The following IFT46 variants were observed in gnomAD, a reference collection of about 807,000 sequenced individuals.
IFT46 encodes the protein intraflagellar transport protein 46 homolog.
A neutral mutation model predicts 39.6 loss-of-function variants in IFT46; 19 were observed. That is an observed-to-expected ratio of 0.48 (90% CI 0.33 to 0.70). IFT46 has a LOEUF of 0.70. IFT46 is among the 30% of genes least tolerant of loss of function. IFT46 has a pLI of 0.01. For missense variants in IFT46, 334 were observed against 364.8 expected (o/e 0.92, Z 0.69); for synonymous variants, 117 against 134.8 (o/e 0.87, Z 0.91).
intron 9 of IFT46, among the ~76,000 whole-genome samples, chr11:118,550,803 T>C (rs1555068220): frequency 6.6e-6 from 1 of 151,076 alleles, no homozygotes; most frequent in South Asian, 2.1e-4. Flanking sequence ...CAGAGGCGGG[T>C]GGATCACGAG....
chr11:118,569,688 T>C (rs1382837227), upstream of IFT46, among the ~76,000 whole-genome samples: 1 of 152,200 alleles, frequency 6.6e-6, no homozygotes, highest in Non-Finnish European at 1.5e-5. Context: ...TTTTCTTCTC[T>C]GTACCTTGAT....
Position 118,555,018 on chromosome 11 carries a change from G to C in IFT46, c.326C>G (p.Ala109Gly). Reference protein sequence around the residue: ...LKPFIPDFIPAVGDIDAFLKV... With the variant: ...LKPFIPDFIPGVGDIDAFLKV... ...TAAGAATGCATCAATATCCCCGACA[G>C]CTGGGATAAAATCAGGAATGAAAGG... is the stretch of plus-strand genomic sequence containing the variant. Residue 109 changes from alanine to glycine, a missense_variant, in exon 6 of 12, where the codon GCT becomes GGT. Ala to Gly is a moderately conservative substitution (Grantham distance 60, BLOSUM62 0). Coordinates refer to ENST00000264021, the MANE Select transcript of IFT46 (RefSeq NM_001168618.2). 6.2e-7 allele frequency: 1 copy of C among 1,613,150 alleles called. No homozygotes were observed. The highest frequency in any genetic ancestry group is 8.5e-7 in the Non-Finnish European group (1 of 1,179,106).
chr11:118,572,679 C>G, exon 1 of IFT46: 1 of 1,233,626 alleles, frequency 8.1e-7, no homozygotes, highest in Non-Finnish European at 1.1e-6. Flanking sequence ...TTGCTCCGGG[C>G]TCGGGGAGCA....
intron 1 of IFT46, among the ~76,000 whole-genome samples, chr11:118,571,334 A>C (rs1416010676): frequency 6.6e-6 from 1 of 152,182 alleles, no homozygotes; most frequent in Non-Finnish European, 1.5e-5. Flanking sequence ...TCTATTGATG[A>C]ATGGATTTGT....
chr11:118,545,623 AGG>A lies in IFT46; in HGVS notation c.734-131_734-130del, dbSNP rs1951661607. 2.9e-6 allele frequency: 3 copies of A among 1,050,950 alleles called. No homozygotes were observed. The South Asian group carries it at 4.1e-5, about 15-fold the overall frequency. 65.1% of individuals were successfully genotyped at this position (1,050,950 alleles called of 1,614,324 possible). On this transcript the variant is annotated intron_variant, in intron 10 of 11. Coordinates refer to ENST00000264021, the MANE Select transcript of IFT46 (RefSeq NM_001168618.2). ...TGACTTTGGGGGTTAAATACCCAGC[AGG>A]TAGTCACATAAGCCAAACACCACCT...
chr11:118,576,659 G>A (rs1204076062), upstream of IFT46, among the ~76,000 whole-genome samples: 1 of 152,148 alleles, frequency 6.6e-6, no homozygotes. Flanking sequence ...CATGTTTAGA[G>A]GTGACCATAC....
chr11:118,563,022 G>A (rs1241501547), intron 2 of IFT46, among the ~76,000 whole-genome samples: 14 of 151,534 alleles, frequency 9.2e-5, no homozygotes, highest in African/African-American at 3.4e-4. Flanking sequence ...CCAAGATCGT[G>A]CCACTGCACT....
chr11:118,544,666 C>G lies in IFT46; in HGVS notation c.*250G>C, dbSNP rs546689601. The stretch of plus-strand genomic sequence containing the variant: ...TAACCTCCATGGGATCTCAGAAATT[C>G]CAATTCTTATAACTCAAATCCCCAC... On this transcript the variant is annotated 3_prime_UTR_variant, in exon 12 of 12. Coordinates refer to ENST00000264021, the MANE Select transcript of IFT46 (RefSeq NM_001168618.2). 1.8e-3 allele frequency: 786 copies of G among 429,800 alleles called. 4 individuals carry two copies. The highest frequency in any genetic ancestry group is 2.8e-3 in the Non-Finnish European group (680 of 240,728). The allele number at this position is 429,800 out of a possible 1,614,324, so 26.6% of individuals were successfully genotyped here. A position where few individuals can be genotyped will look rare whatever the true frequency, so the allele number is the denominator to read the frequency against.
At chr11:118,561,613 A>G in intron 2 of IFT46, 1 of 525,034 alleles carries the variant, frequency 1.9e-6, no homozygotes, top group Non-Finnish European at 3.6e-6. Context: ...TTTTTCAGAT[A>G]AAGACGATAA....
intron 2 of IFT46, among the ~76,000 whole-genome samples, chr11:118,563,719 G>A (rs1414928537): frequency 2.0e-5 from 3 of 152,160 alleles, no homozygotes; most frequent in Non-Finnish European, 4.4e-5. Flanking sequence ...TCATACGGTA[G>A]TGTCCCCTCT....
chr11:118,559,915 A>G (rs993479704), intron 2 of IFT46, 51 bp from the exon 3 acceptor site: 26 of 1,097,536 alleles, frequency 2.4e-5, no homozygotes, highest in Non-Finnish European at 2.4e-5. Context: ...ATTTTTAAAA[A>G]CAAGTATTTT....
intron 1 of IFT46, chr11:118,572,276 C>T: frequency 2.2e-6 from 1 of 457,946 alleles, no homozygotes; most frequent in East Asian, 3.3e-5. Flanking sequence ...GGAGGGTGAA[C>T]GCCCCCTACA....
intron 3 of IFT46, 76 bp downstream of exon 3, chr11:118,559,709 C>A: frequency 8.9e-7 from 1 of 1,117,996 alleles, no homozygotes; most frequent in South Asian, 1.3e-5. Context: ...AAATGTTTAC[C>A]GTTGAACTGG....
At chr11:118,572,350 C>CCCCCCCCCCCCCCCCTTT in intron 1 of IFT46, 1 of 97,818 alleles carries the variant, frequency 1.0e-5, no homozygotes, top group South Asian at 3.6e-4. Flanking sequence ...CAGGCCCCGC[C>CCCCCCCCCCCCCCCCTTT]CCCCCCCCCG....
chr11:118,564,082 G>A (rs182698203), intron 2 of IFT46, among the ~76,000 whole-genome samples: 7 of 151,206 alleles, frequency 4.6e-5, no homozygotes, highest in Middle Eastern at 3.4e-3. Context: ...CCAGCTACTC[G>A]GGAGGCTGAG....
At chr11:118,570,192 T>C (rs1315258881), upstream of IFT46, among the ~76,000 whole-genome samples, 1 of 151,844 alleles carries the variant, frequency 6.6e-6, no homozygotes, top group East Asian at 1.9e-4. Flanking sequence ...CAGCTGAGAC[T>C]ACAGGCACGC....
intron 7 of IFT46, 23 bp downstream of exon 7, chr11:118,554,436 C>A (rs367928072): frequency 2.3e-4 from 359 of 1,581,502 alleles, no homozygotes; most frequent in Non-Finnish European, 2.9e-4. Context: ...CCAGCTGGGG[C>A]CTATACTAAG....
intron 2 of IFT46, among the ~76,000 whole-genome samples, chr11:118,562,191 C>T (rs541434885): frequency 4.6e-5 from 7 of 152,154 alleles, no homozygotes; most frequent in Admixed American, 6.5e-5. Flanking sequence ...GCAGGAGAAT[C>T]GCTTGAACCT....
At chr11:118,556,728 G>A (rs1416988913) in intron 4 of IFT46, among the ~76,000 whole-genome samples, 178 bp downstream of exon 4, 1 of 152,120 alleles carries the variant, frequency 6.6e-6, no homozygotes, top group Non-Finnish European at 1.5e-5. Context: ...ATAAGGTAGT[G>A]GAGTCAGAAA....
Sources: gnomAD v4.1 joint callset for allele counts (sites outside exome capture counted in the v4.1 genomes callset) on GRCh38, gnomAD v4.1.1 for gene constraint, MANE v1.5 for transcripts, NCBI Gene and HGNC (gene_info 2026-07-23, HGNC 2026-07-21) for gene names.